Variants in ZBTB24 observed in about 807,000 individuals in gnomAD.
The protein encoded by ZBTB24 is zinc finger and BTB domain containing 24, also known as zinc finger and BTB domain-containing protein 24.
Under a neutral mutation model 53.8 loss-of-function variants are expected in ZBTB24, and 32 were observed. That is an observed-to-expected ratio of 0.60 (90% confidence interval 0.45 to 0.80). ZBTB24 has a LOEUF of 0.80. Ranked by LOEUF, ZBTB24 falls within the 30% of genes least tolerant of loss-of-function variation. ZBTB24 has a pLI of 0.00. For missense variants in ZBTB24, 722 were observed against 837.1 expected (o/e 0.86, Z 1.70); for synonymous variants, 297 against 306.7 (o/e 0.97, Z 0.33).
intron 2 of ZBTB24, among the ~76,000 whole-genome samples, chr6:109,479,637 C>A (rs1776355219): frequency 6.6e-6 from 1 of 152,242 alleles, no homozygotes; most frequent in Non-Finnish European, 1.5e-5. Flanking sequence ...AAATAGCCAG[C>A]TGGGCGCAGT....
chr6:109,470,808 C>T (rs573356433), intron 5 of ZBTB24, among the ~76,000 whole-genome samples: 7 of 152,324 alleles, frequency 4.6e-5, no homozygotes, highest in East Asian at 3.9e-4. Flanking sequence ...TTAACAATGG[C>T]GAATATCTTT....
In ZBTB24 at chr6:109,465,104, T is replaced by C. The variant is rs1238616466; in HGVS notation, c.*747A>G. 1 of 152,304 alleles carries C rather than the reference T, an allele frequency of 6.6e-6. No individual in the cohort carries two copies. The highest frequency in any genetic ancestry group is 1.5e-5 in the Non-Finnish European group (1 of 68,086). The allele number at this position is 152,304 out of a possible 1,614,324, so 9.4% of individuals were successfully genotyped here. On this transcript the variant is annotated 3_prime_UTR_variant, in exon 7 of 7. Transcript: ENST00000230122. ...ATCCAATTTTGTATTTTAAACTTAA[T>C]TAAAATTTTGATAGCCTTCTGTTGA...
chr6:109,482,692 A>C (rs771568378), intron 1 of ZBTB24, among the ~76,000 whole-genome samples: 2 of 152,066 alleles, frequency 1.3e-5, no homozygotes, highest in Non-Finnish European at 2.9e-5. Flanking sequence ...AAAATGAAGG[A>C]ATGGGATTAA....
In ZBTB24 at chr6:109,481,704, TG is replaced by T; in HGVS notation, c.322del (p.Gln108LysfsTer9). 1.2e-6 allele frequency: 2 copies of T among 1,614,246 alleles called. No individual in the cohort carries two copies. Among genetic ancestry groups the T allele is most frequent in the Non-Finnish European group, 1.7e-6 (2 of 1,180,038 alleles). On this transcript the variant is annotated frameshift_variant, in exon 2 of 7. Coordinates refer to ENST00000230122, the MANE Select transcript of ZBTB24 (RefSeq NM_014797.3). LOFTEE classifies it high-confidence loss of function. Reference protein sequence around the residue: ...YLHASEKSTEQILATAQFLKV... With the variant: ...YLHASEKSTEXILATAQFLKV... Reference sequence around the variant, plus strand: ...TAAGAACTGAGCAGTAGCCAGGATTTGTTCTGTACTTTTCTCACTGGCATGG... The same window carrying T: ...TAAGAACTGAGCAGTAGCCAGGATTTTTCTGTACTTTTCTCACTGGCATGG...
At position 109,476,887 on chromosome 6, in the gene ZBTB24, G is replaced by T; in HGVS notation, c.996C>A (p.Ala332=). Residue 332 remains alanine, a synonymous_variant, in exon 3 of 7, where the codon GCC becomes GCA. Coordinates refer to ENST00000230122, the MANE Select transcript of ZBTB24 (RefSeq NM_014797.3). The part of the protein sequence containing the change: ...FKCNECGKGF[A]QKHSLQVHTR... The stretch of plus-strand genomic sequence containing the variant: ...TGTGGACCTGTAGCGAGTGCTTCTG[G>T]GCAAAGCCTTTTCCACACTCATTAC... 3 of 1,614,060 alleles carry T rather than the reference G, an allele frequency of 1.9e-6. No homozygotes were observed. The Middle Eastern group carries it at 4.9e-4, about 266-fold the overall frequency.
intron 6 of ZBTB24, among the ~76,000 whole-genome samples, chr6:109,467,370 C>T (rs956898096): frequency 2.0e-5 from 3 of 152,074 alleles, no homozygotes; most frequent in Non-Finnish European, 4.4e-5. Context: ...CAAAAAAATA[C>T]AAAAACTAGC....
At chr6:109,472,105 T>G (rs1184837471) in intron 5 of ZBTB24, among the ~76,000 whole-genome samples, 9 of 152,164 alleles carry the variant, frequency 5.9e-5, no homozygotes, top group African/African-American at 2.2e-4. Flanking sequence ...AGATGAAGTC[T>G]TGGTTTCCAG....
At position 109,481,802 on chromosome 6, in the gene ZBTB24, GGAT is replaced by G. The variant is rs1171457320; in HGVS notation, c.222_224del (p.Gln74_Ser75delinsHis). ...CAACCATGCCTTCCAGCATATAAAT[GGAT>G]TGGCCGATTTCCCCCTCTTCTGCAA... On this transcript the variant is annotated inframe_deletion, in exon 2 of 7. Transcript: ENST00000230122. The G allele has an allele frequency of 1.2e-6, 2 of 1,614,112 alleles. No individual in the cohort carries two copies. Among genetic ancestry groups the G allele is most frequent in the Non-Finnish European group, 1.7e-6 (2 of 1,180,046 alleles).
intron 5 of ZBTB24, among the ~76,000 whole-genome samples, chr6:109,474,356 T>G (rs1776233954): frequency 1.3e-5 from 2 of 152,142 alleles, no homozygotes; most frequent in Non-Finnish European, 2.9e-5. Context: ...TAAGTTTAAG[T>G]GTTGGTTCTA....
intron 5 of ZBTB24, among the ~76,000 whole-genome samples, chr6:109,473,972 C>A (rs192521555): frequency 6.6e-6 from 1 of 151,296 alleles, no homozygotes; most frequent in East Asian, 1.9e-4. Context: ...ACCTGTAGTT[C>A]CAGCTACTCG....
chr6:109,481,925 G>A lies in ZBTB24; in HGVS notation c.102C>T (p.Gly34=). ...CGATTAAAGTAATGTCACAGAGGAA[G>A]CCTTTCTTCCTCTGATCCTCAAAAC... The part of the protein sequence containing the change: ...LASFEDQRKK[G]FLCDITLIVE... Residue 34 remains glycine (G), a synonymous_variant, in exon 2 of 7, where the codon GGC becomes GGT. Coordinates refer to ENST00000230122, the MANE Select transcript of ZBTB24 (RefSeq NM_014797.3). 1 of 1,614,194 alleles carries A rather than the reference G, an allele frequency of 6.2e-7. No homozygotes were observed. Among genetic ancestry groups the A allele is most frequent in the African/African-American group, 1.3e-5 (1 of 75,052 alleles).
chr6:109,475,533 T>C (rs1408943930), intron 4 of ZBTB24, 51 bp from the exon 5 acceptor site: 2 of 1,596,072 alleles, frequency 1.3e-6, no homozygotes, highest in South Asian at 2.2e-5. Context: ...CTCCCTGCCT[T>C]TTCTTCAGTG....
chr6:109,477,138 T>G (rs1776296428), intron 2 of ZBTB24, among the ~76,000 whole-genome samples: 1 of 152,090 alleles, frequency 6.6e-6, no homozygotes, highest in Admixed American at 6.5e-5. Flanking sequence ...ATAACCTAAT[T>G]TTTTGTTTTT....
At chr6:109,474,398 T>C (rs1248724818) in intron 5 of ZBTB24, among the ~76,000 whole-genome samples, 1 of 152,166 alleles carries the variant, frequency 6.6e-6, no homozygotes, top group Non-Finnish European at 1.5e-5. Context: ...TCAGTGTCTA[T>C]GCTACATTTG....
In ZBTB24 at chr6:109,476,255, T is replaced by C; in HGVS notation, c.1124A>G (p.Gln375Arg). The C allele has an allele frequency of 1.2e-6, 2 of 1,614,160 alleles. No homozygotes were observed. The highest frequency in any genetic ancestry group is 1.7e-6 in the Non-Finnish European group (2 of 1,180,018). Residue 375 changes from glutamine (Q) to arginine (R), a missense_variant, in exon 4 of 7, where the codon CAG becomes CGG. Physicochemically the swap from Gln to Arg is conservative, Grantham distance 43. Transcript: ENST00000230122. ...LLEHMSLHSG[Q>R]KSFTCDQCGK... is the part of the protein sequence containing the mutation. Reference sequence around the variant, plus strand: ...GCATTGATCACAGGTAAAAGACTTCTGTCCTGCCAAAAAAACCAAAACACT... The same window carrying C: ...GCATTGATCACAGGTAAAAGACTTCCGTCCTGCCAAAAAAACCAAAACACT...
At chr6:109,476,694 G>A (rs949090504) in intron 3 of ZBTB24, 69 bp downstream of exon 3, 1 of 1,566,316 alleles carries the variant, frequency 6.4e-7, no homozygotes, top group Non-Finnish European at 8.6e-7. Context: ...ACACCATTTA[G>A]GTGTTGGTAA....
At chr6:109,475,226 A>C (rs1776255076) in intron 5 of ZBTB24, among the ~76,000 whole-genome samples, 173 bp downstream of exon 5, 1 of 152,168 alleles carries the variant, frequency 6.6e-6, no homozygotes, top group Admixed American at 6.5e-5. Context: ...CCCCAAAGAC[A>C]GTGCTGACAA....
At position 109,476,174 on chromosome 6, in the gene ZBTB24, C is replaced by G. The variant is rs1175562986; in HGVS notation, c.1204+1G>C. ...ATCTAAATGTTCTCACTTTATCGTA[C>G]CTGTATGAACTCGGTAATGGCTCTT... On this transcript the variant is annotated splice_donor_variant, in intron 4 of 6. Coordinates refer to ENST00000230122, the MANE Select transcript of ZBTB24 (RefSeq NM_014797.3). LOFTEE classifies it high-confidence loss of function. 2.5e-6 allele frequency: 4 copies of G among 1,613,806 alleles called. No individual in the cohort carries two copies. Among genetic ancestry groups the G allele is most frequent in the Non-Finnish European group, 3.4e-6 (4 of 1,179,962 alleles).
At chr6:109,478,633 G>A (rs1582680511) in intron 2 of ZBTB24, among the ~76,000 whole-genome samples, 3 of 152,092 alleles carry the variant, frequency 2.0e-5, no homozygotes, top group South Asian at 4.1e-4. Flanking sequence ...TCCAGGAGGC[G>A]GAGGTTGTGG....
Sources: gnomAD v4.1 joint callset for allele counts (sites outside exome capture counted in the v4.1 genomes callset) on GRCh38, gnomAD v4.1.1 for gene constraint, MANE v1.5 for transcripts, NCBI Gene and HGNC (gene_info 2026-07-23, HGNC 2026-07-21) for gene names.